Variants in GRXCR2 observed in about 807,000 individuals in gnomAD.
GRXCR2 encodes the protein glutaredoxin and cysteine rich domain containing 2.
GRXCR2 carries 23 observed loss-of-function variants against 24.8 expected under a neutral mutation model. The observed-to-expected ratio is 0.93, with a 90% CI of 0.67 to 1.32. GRXCR2 has a LOEUF of 1.32. Among genes scored for constraint, GRXCR2 ranks in the 40% most tolerant of loss-of-function variants. The pLI, the probability that GRXCR2 is intolerant of heterozygous loss-of-function variation, is 0.00. For synonymous variants in GRXCR2, 130 were observed against 116.1 expected (o/e 1.12, Z -0.77); for missense variants, 315 against 303.4 (o/e 1.04, Z -0.28).
At chr5:145,898,898 A>G (rs1756988718) in intron 2 of GRXCR2, among the ~76,000 whole-genome samples, 1 of 152,118 alleles carries the variant, frequency 6.6e-6, no homozygotes, top group Non-Finnish European at 1.5e-5. Context: ...ACAGTACTGG[A>G]AGTCCTAGCC....
chr5:145,900,403 C>G lies in GRXCR2; in HGVS notation c.-69-33675G>C, dbSNP rs190408409. Reference sequence around the variant, plus strand: ...CTGTACAGCCTGAGGAACTGTGAGCCAATTAAACCTCTTTTCTTTATAAAT... The same window carrying G: ...CTGTACAGCCTGAGGAACTGTGAGCGAATTAAACCTCTTTTCTTTATAAAT... On this transcript the variant is annotated intron_variant, in intron 2 of 3. Coordinates refer to the GRXCR2 transcript ENST00000639411. Among the ~76,000 whole-genome samples the G allele has an allele frequency of 1.8e-3, 272 of 152,226 alleles. 1 individual carries two copies. The highest frequency in any genetic ancestry group is 6.5e-3 in the African/African-American group (268 of 41,532).
intron 2 of GRXCR2, among the ~76,000 whole-genome samples, chr5:145,885,554 C>T (rs1251769079): frequency 6.6e-6 from 1 of 152,146 alleles, no homozygotes; most frequent in African/African-American, 2.4e-5. Context: ...ACTTACAGAG[C>T]TAGTAGTTAT....
chr5:145,871,189 G>A (rs1192317300), intron 1 of GRXCR2, among the ~76,000 whole-genome samples: 1 of 152,160 alleles, frequency 6.6e-6, no homozygotes, highest in Admixed American at 6.5e-5. Flanking sequence ...CATGAACTGT[G>A]ACTTTGTAAA....
intron 2 of GRXCR2, among the ~76,000 whole-genome samples, chr5:145,926,839 A>G (rs1219819815): frequency 2.0e-5 from 3 of 152,148 alleles, no homozygotes; most frequent in African/African-American, 4.8e-5. Context: ...TTTTCACAAT[A>G]TTGATTCTTC....
At chr5:145,914,675 CAAAAAAAAAAAAAA>C (rs34955541) in intron 2 of GRXCR2, among the ~76,000 whole-genome samples, 12 of 55,250 alleles carry the variant, frequency 2.2e-4, no homozygotes, top group African/African-American at 7.7e-4. Context: ...GACTCCATCT[CAAAAAAAAAAAAAA>C]AAAAAAAAAA....
chr5:145,858,000 T>G (rs1203065662), downstream of GRXCR2, among the ~76,000 whole-genome samples: 4 of 152,154 alleles, frequency 2.6e-5, no homozygotes, highest in East Asian at 7.7e-4. Context: ...ACAATATTTG[T>G]GACGGAATAT....
intron 2 of GRXCR2, among the ~76,000 whole-genome samples, chr5:145,865,515 A>G (rs1756414625): frequency 1.3e-5 from 2 of 152,304 alleles, no homozygotes; most frequent in African/African-American, 4.8e-5. Flanking sequence ...TTTTAAAAGA[A>G]TTTTTATACT....
At chr5:145,920,056 T>G (rs1338075699) in intron 2 of GRXCR2, among the ~76,000 whole-genome samples, 4 of 152,152 alleles carry the variant, frequency 2.6e-5, no homozygotes, top group African/African-American at 9.7e-5. Context: ...CCTAGAACAC[T>G]GAGTCTCTCC....
At chr5:145,928,904 TAA>T (rs76082631) in intron 2 of GRXCR2, among the ~76,000 whole-genome samples, 11 of 150,074 alleles carry the variant, frequency 7.3e-5, no homozygotes, top group Non-Finnish European at 1.6e-4. Context: ...TAAAGTATAA[TAA>T]AAAAAAAGTA....
intron 2 of GRXCR2, among the ~76,000 whole-genome samples, chr5:145,886,126 C>T (rs2149917017): frequency 6.6e-6 from 1 of 152,226 alleles, no homozygotes; most frequent in Admixed American, 6.5e-5. Flanking sequence ...TTCTAGAATC[C>T]ATAACAGGCT....
At chr5:145,869,585 T>A (rs1354197360) in intron 1 of GRXCR2, among the ~76,000 whole-genome samples, 1 of 141,742 alleles carries the variant, frequency 7.1e-6, no homozygotes, top group Non-Finnish European at 1.5e-5. Flanking sequence ...TGAGACGGAG[T>A]CTTGCTCTGT....
chr5:145,928,563 C>G (rs1757433186), intron 2 of GRXCR2, among the ~76,000 whole-genome samples: 1 of 152,106 alleles, frequency 6.6e-6, no homozygotes, highest in Admixed American at 6.6e-5. Context: ...CTGTGGAATA[C>G]TATGCAGCCA....
rs142965578 is a variant in GRXCR2 at position 145,870,332 on chromosome 5, A to C, written c.336+2301T>G. On this transcript the variant is annotated intron_variant, in intron 1 of 2. Coordinates refer to ENST00000377976, the MANE Select transcript of GRXCR2 (RefSeq NM_001080516.2). ...CCTCAAATAAGTGCAATCATACAGT[A>C]TTTGTGTTTTTGTGACTGGCTTATT... 7.1e-4 allele frequency among the ~76,000 whole-genome samples: 108 copies of C among 152,154 alleles called. 1 individual carries two copies. The East Asian group carries it at 0.015, about 21-fold the overall frequency.
upstream of GRXCR2, among the ~76,000 whole-genome samples, chr5:145,876,830 C>G (rs995596768): frequency 2.0e-5 from 3 of 152,086 alleles, no homozygotes; most frequent in Admixed American, 6.5e-5. Context: ...AGAAGAAGAA[C>G]AAATTGATAA....
chr5:145,875,007 G>A (rs1756590095), upstream of GRXCR2, among the ~76,000 whole-genome samples: 1 of 152,180 alleles, frequency 6.6e-6, no homozygotes, highest in African/African-American at 2.4e-5. Context: ...CAGGGAGAGT[G>A]CCATGGGACT....
intron 1 of GRXCR2, among the ~76,000 whole-genome samples, chr5:145,868,149 T>G (rs1756466834): frequency 6.6e-6 from 1 of 152,176 alleles, no homozygotes; most frequent in Admixed American, 6.5e-5. Flanking sequence ...TTTTATATGT[T>G]GATTGTCACA....
intron 2 of GRXCR2, among the ~76,000 whole-genome samples, chr5:145,889,925 C>G (rs1376587679): frequency 1.3e-5 from 2 of 152,166 alleles, no homozygotes; most frequent in East Asian, 1.9e-4. Context: ...AAAAAGAAAG[C>G]AATCTGAGCT....
At position 145,929,198 on chromosome 5, in the gene GRXCR2, C is replaced by CATATATATATATATATATATATATATAT. The variant is rs1554107328; in HGVS notation, c.-70+6502_-70+6503insATATATATATATATATATATATATATAT. On this transcript the variant is annotated intron_variant, in intron 2 of 3. Coordinates refer to the GRXCR2 transcript ENST00000639411. Reference sequence around the variant, plus strand: ...TTTTAATAGTTGTATAATATTCCCCCCTATATATATATATATATATATATA... The same window carrying CATATATATATATATATATATATATATAT: ...TTTTAATAGTTGTATAATATTCCCCCATATATATATATATATATATATATATATCTATATATATATATATATATATATA... Among the ~76,000 whole-genome samples the CATATATATATATATATATATATATATAT allele has an allele frequency of 9.9e-3, 869 of 88,040 alleles. 68 individuals carry two copies. Among genetic ancestry groups the CATATATATATATATATATATATATATAT allele is most frequent in the East Asian group, 0.026 (62 of 2,404 alleles). 57.8% of individuals were successfully genotyped at this position (88,040 alleles called of 152,430 possible). A position where few individuals can be genotyped will look rare whatever the true frequency, so the allele number is the denominator to read the frequency against.
At chr5:145,879,715 A>G (rs1267305137) in intron 2 of GRXCR2, among the ~76,000 whole-genome samples, 3 of 152,224 alleles carry the variant, frequency 2.0e-5, no homozygotes, top group Admixed American at 1.3e-4. Context: ...ATAGACATCT[A>G]CAGAACTCTC....
Sources: allele counts gnomAD v4.1 joint callset (sites outside exome capture counted in the v4.1 genomes callset), GRCh38; gene constraint gnomAD v4.1.1; transcripts MANE v1.5; gene names NCBI Gene and HGNC (gene_info 2026-07-23, HGNC 2026-07-21).